The following LHFPL6 variants were observed in gnomAD, a reference collection of about 807,000 sequenced individuals.
LHFPL6 encodes LHFPL tetraspan subfamily member 6 protein.
Under a neutral mutation model 20.6 loss-of-function variants are expected in LHFPL6, and 9 were observed. That is an observed-to-expected ratio of 0.44 (90% CI 0.26 to 0.76). The LOEUF (loss-of-function observed/expected upper bound fraction) is 0.76, where lower values mean the gene tolerates loss of function less well. Among genes scored for constraint, LHFPL6 ranks in the 30% least tolerant of loss-of-function variants. LHFPL6 has a pLI of 0.20. For missense variants in LHFPL6, 218 were observed against 253.5 expected, an observed-to-expected ratio of 0.86 and a Z score of 0.95; for synonymous variants, 105 against 98.7, an observed-to-expected ratio of 1.06 and a Z score of -0.38.
chr13:39,474,798 A>T (rs1299625549), intron 2 of LHFPL6, among the ~76,000 whole-genome samples: 2 of 152,078 alleles, frequency 1.3e-5, no homozygotes, highest in Non-Finnish European at 2.9e-5. Flanking sequence ...TACCACAGAC[A>T]GCGATGCATC....
At chr13:39,594,899 T>C (rs565488818) in intron 2 of LHFPL6, among the ~76,000 whole-genome samples, 8 of 152,046 alleles carry the variant, frequency 5.3e-5, no homozygotes, top group South Asian at 2.1e-4. Context: ...TTCTCACTCA[T>C]AGGTGGGAAT....
In LHFPL6 at chr13:39,440,792, G is replaced by A. The variant is rs118118292; in HGVS notation, c.386-62266C>T. Reference sequence around the variant, plus strand: ...GTAACTCCCACAATTCCCACGTGTCGTGGGAGGAACCTGGTGGGAGATGAT... The same window carrying A: ...GTAACTCCCACAATTCCCACGTGTCATGGGAGGAACCTGGTGGGAGATGAT... On this transcript the variant is annotated intron_variant, in intron 2 of 3. Coordinates refer to ENST00000379589, the MANE Select transcript of LHFPL6 (RefSeq NM_005780.3). Among the ~76,000 whole-genome samples, 631 of 152,214 alleles carry A rather than the reference G, an allele frequency of 4.1e-3. 17 individuals are homozygous for A. In the East Asian group the frequency reaches 0.054, roughly 13 times the overall value.
At chr13:39,592,910 A>C (rs138847073) in intron 2 of LHFPL6, among the ~76,000 whole-genome samples, 152,323 of 152,328 alleles carry the variant, frequency 1, 76,159 homozygotes, top group Non-Finnish European at 1. Flanking sequence ...AGGCCTTTGA[A>C]AAAATTCAAC....
At chr13:39,539,180 T>TG (rs1455942863) in intron 2 of LHFPL6, among the ~76,000 whole-genome samples, 5 of 152,208 alleles carry the variant, frequency 3.3e-5, no homozygotes, top group Non-Finnish European at 5.9e-5. Context: ...GTTAACAGCA[T>TG]GGCATTACCT....
intron 2 of LHFPL6, among the ~76,000 whole-genome samples, chr13:39,441,482 T>A (rs940933160): frequency 6.6e-6 from 1 of 150,832 alleles, no homozygotes; most frequent in African/African-American, 2.4e-5. Context: ...TTGTCATCAA[T>A]TAAATTCAGA....
intron 2 of LHFPL6, among the ~76,000 whole-genome samples, chr13:39,590,007 T>A (rs1872552415): frequency 6.6e-6 from 1 of 152,212 alleles, no homozygotes; most frequent in East Asian, 1.9e-4. Flanking sequence ...ATGTTGAGAC[T>A]TATTCATGGT....
At chr13:39,497,017 T>TGTAAATTGTGGAG (rs972570528) in intron 2 of LHFPL6, among the ~76,000 whole-genome samples, 2 of 152,230 alleles carry the variant, frequency 1.3e-5, no homozygotes, top group African/African-American at 4.8e-5. Context: ...AACTGCTGGC[T>TGTAAATTGTGGAG]GTAAATTGTG....
chr13:39,562,597 T>TACACATATAC (rs1871561392), intron 2 of LHFPL6, among the ~76,000 whole-genome samples: 2 of 60,328 alleles, frequency 3.3e-5, no homozygotes, highest in Non-Finnish European at 7.7e-5. Context: ...TATACATATA[T>TACACATATAC]ACACATATAC....
intron 2 of LHFPL6, among the ~76,000 whole-genome samples, chr13:39,579,134 G>A (rs1872204386): frequency 6.6e-6 from 1 of 152,118 alleles, no homozygotes; most frequent in African/African-American, 2.4e-5. Flanking sequence ...CTTACAGGGA[G>A]CAGCCAAGGT....
At position 39,428,116 on chromosome 13, in the gene LHFPL6, T is replaced by C. The variant is rs150701652; in HGVS notation, c.386-49590A>G. On this transcript the variant is annotated intron_variant, in intron 2 of 3. Coordinates refer to ENST00000379589, the MANE Select transcript of LHFPL6 (RefSeq NM_005780.3). ...AACTATAAGCCAATTAAAGCTCTTT[T>C]CTTTATAAATTACCCAGTCTCAGGT... Among the ~76,000 whole-genome samples the C allele has an allele frequency of 2.2e-3, 339 of 152,316 alleles. 6 individuals carry two copies. The South Asian group carries it at 0.038, about 17-fold the overall frequency.
At chr13:39,349,373 T>C (rs993117484) in intron 3 of LHFPL6, among the ~76,000 whole-genome samples, 3 of 152,186 alleles carry the variant, frequency 2.0e-5, no homozygotes, top group African/African-American at 7.2e-5. Flanking sequence ...GGTGTGTCAA[T>C]AGAATTTAAG....
chr13:39,345,855 A>G (rs917100568), intron 3 of LHFPL6, among the ~76,000 whole-genome samples: 2 of 152,078 alleles, frequency 1.3e-5, no homozygotes, highest in African/African-American at 4.8e-5. Context: ...GGCAGGTGCA[A>G]AGATCCACCA....
At chr13:39,500,673 TAAGAA>T (rs1412662027) in intron 2 of LHFPL6, among the ~76,000 whole-genome samples, 3 of 152,192 alleles carry the variant, frequency 2.0e-5, no homozygotes, top group African/African-American at 7.2e-5. Flanking sequence ...ATAAATTTCT[TAAGAA>T]AAGGCCCATG....
At chr13:39,470,068 G>T (rs565239486) in intron 2 of LHFPL6, among the ~76,000 whole-genome samples, 2 of 152,238 alleles carry the variant, frequency 1.3e-5, no homozygotes, top group Non-Finnish European at 2.9e-5. Context: ...GAATAATCCA[G>T]CTAACCATTT....
At chr13:39,446,787 TG>T (rs1445577831) in intron 2 of LHFPL6, among the ~76,000 whole-genome samples, 1 of 152,210 alleles carries the variant, frequency 6.6e-6, no homozygotes, top group Non-Finnish European at 1.5e-5. Flanking sequence ...CATTTTGACC[TG>T]TTAACTATAT....
intron 3 of LHFPL6, among the ~76,000 whole-genome samples, chr13:39,350,480 TAATGAA>T (rs1477993793): frequency 6.6e-6 from 1 of 152,246 alleles, no homozygotes; most frequent in Non-Finnish European, 1.5e-5. Flanking sequence ...TCATGAGTAG[TAATGAA>T]ACTAAATAAA....
Position 39,358,377 on chromosome 13 carries a change from G to A in LHFPL6, c.485-14323C>T, listed in dbSNP as rs1349635987. 2.0e-5 allele frequency among the ~76,000 whole-genome samples: 3 copies of A among 152,202 alleles called. No homozygotes were observed. The East Asian group carries it at 5.8e-4, about 29-fold the overall frequency. ...AATAAAAGTGGACACCTTCCTTATA[G>A]CATATGCAAAAATTAACTCGAGAGA... On this transcript the variant is annotated intron_variant, in intron 3 of 3. Transcript: ENST00000379589.
intron 2 of LHFPL6, among the ~76,000 whole-genome samples, chr13:39,417,070 C>G (rs1463255715): frequency 1.3e-5 from 2 of 152,262 alleles, no homozygotes; most frequent in African/African-American, 4.8e-5. Flanking sequence ...CTCCTCTTAA[C>G]TCCAGGAAGA....
intron 2 of LHFPL6, among the ~76,000 whole-genome samples, chr13:39,471,177 G>A (rs538328801): frequency 2.6e-4 from 40 of 152,312 alleles, no homozygotes; most frequent in African/African-American, 9.1e-4. Flanking sequence ...TTTGTTGGAG[G>A]AGAAGATGCC....
Sources: gnomAD v4.1 joint callset for allele counts (sites outside exome capture counted in the v4.1 genomes callset) on GRCh38, gnomAD v4.1.1 for gene constraint, MANE v1.5 for transcripts, NCBI Gene and HGNC (gene_info 2026-07-23, HGNC 2026-07-21) for gene names.